The following CACNB4 variants were observed in gnomAD, a reference collection of about 807,000 sequenced individuals.
The protein encoded by CACNB4 is calcium voltage-gated channel auxiliary subunit beta 4, also known as voltage-dependent L-type calcium channel subunit beta-4.
CACNB4 carries 32 observed loss-of-function variants against 71.2 expected under a neutral mutation model. The ratio of observed to expected loss-of-function variants is 0.45; its 90% CI spans 0.34 to 0.60. The LOEUF is 0.60. Among genes scored for constraint, CACNB4 ranks in the 20% least tolerant of loss-of-function variants. CACNB4 has a pLI of 0.01. For missense variants in CACNB4, 464 were observed against 647.9 expected (o/e 0.72, Z 3.08); for synonymous variants, 231 against 236.9 (o/e 0.97, Z 0.23).
intron 2 of CACNB4, among the ~76,000 whole-genome samples, chr2:152,041,420 T>C (rs1356159370): frequency 3.3e-5 from 5 of 152,212 alleles, no homozygotes; most frequent in Non-Finnish European, 5.9e-5. Context: ...GGGCTATAAA[T>C]TTCTGTTTAA....
intron 2 of CACNB4, among the ~76,000 whole-genome samples, chr2:151,949,803 C>G (rs764534291): frequency 1.3e-5 from 2 of 152,170 alleles, no homozygotes; most frequent in Non-Finnish European, 2.9e-5. Context: ...AATACTGGCA[C>G]TTTGGGAGGC....
At chr2:151,936,433 A>G (rs1267312457) in intron 2 of CACNB4, 1 of 152,242 alleles carries the variant, frequency 6.6e-6, no homozygotes, top group Non-Finnish European at 1.5e-5. Flanking sequence ...GAAGCATGAA[A>G]TGGTAGTCAG....
intron 2 of CACNB4, among the ~76,000 whole-genome samples, chr2:152,031,394 G>A (rs553419291): frequency 1.5e-4 from 23 of 152,224 alleles, no homozygotes; most frequent in Non-Finnish European, 2.9e-4. Context: ...AGGCTGGTAG[G>A]AGGACCTTCC....
intron 3 of CACNB4, among the ~76,000 whole-genome samples, chr2:151,882,182 T>TC (rs2099848073): frequency 6.9e-5 from 1 of 14,480 alleles, no homozygotes; most frequent in African/African-American, 1.1e-4. Context: ...CCGGCCCCTC[T>TC]TTTTTTTTTT....
At chr2:151,952,148 T>A (rs1352341899) in intron 2 of CACNB4, among the ~76,000 whole-genome samples, 5 of 152,172 alleles carry the variant, frequency 3.3e-5, no homozygotes, top group Non-Finnish European at 7.3e-5. Context: ...ATTTAATAAC[T>A]ACTGTGATAC....
intron 2 of CACNB4, among the ~76,000 whole-genome samples, chr2:151,995,508 C>A (rs148910386): frequency 6.6e-6 from 1 of 152,278 alleles, no homozygotes; most frequent in African/African-American, 2.4e-5. Context: ...AAAGTCTGTA[C>A]CATCCTGGCT....
intron 2 of CACNB4, among the ~76,000 whole-genome samples, chr2:152,022,310 G>A (rs752008432): frequency 3.3e-5 from 5 of 152,250 alleles, no homozygotes; most frequent in Non-Finnish European, 2.9e-5. Flanking sequence ...TACTCAGCCC[G>A]TAGCCATCAA....
intron 2 of CACNB4, among the ~76,000 whole-genome samples, chr2:152,090,627 C>T (rs1415812524): frequency 1.4e-5 from 2 of 141,422 alleles, no homozygotes; most frequent in Admixed American, 7.1e-5. Flanking sequence ...TGGGCAACAA[C>T]AGCAAAACTC....
chr2:151,887,367 T>C (rs2099849619), intron 2 of CACNB4, among the ~76,000 whole-genome samples: 1 of 151,272 alleles, frequency 6.6e-6, no homozygotes, highest in African/African-American at 2.4e-5. Flanking sequence ...GATAAAGTCA[T>C]ATTGCAGTAA....
At chr2:151,949,921 G>A (rs559703372) in intron 2 of CACNB4, among the ~76,000 whole-genome samples, 52 of 152,056 alleles carry the variant, frequency 3.4e-4, no homozygotes, top group African/African-American at 1.2e-3. Context: ...GGTGGCACGC[G>A]CCTGTAGCCC....
At chr2:152,035,513 T>C (rs2105213105) in intron 2 of CACNB4, among the ~76,000 whole-genome samples, 1 of 151,942 alleles carries the variant, frequency 6.6e-6, no homozygotes, top group Non-Finnish European at 1.5e-5. Context: ...TGAGCTGAGA[T>C]CGTGCCATTG....
intron 2 of CACNB4, among the ~76,000 whole-genome samples, chr2:152,023,406 T>C (rs981848884): frequency 1.4e-5 from 2 of 147,098 alleles, no homozygotes; most frequent in Non-Finnish European, 1.5e-5. Context: ...GAATGCGCTC[T>C]GGATAAAGGC....
intron 2 of CACNB4, among the ~76,000 whole-genome samples, chr2:151,921,109 C>A (rs2099858882): frequency 6.6e-6 from 1 of 150,824 alleles, no homozygotes; most frequent in South Asian, 2.1e-4. Flanking sequence ...TGCACTCCAG[C>A]CTGAGCAACA....
At chr2:151,989,386 C>T (rs1220158592) in intron 2 of CACNB4, among the ~76,000 whole-genome samples, 1 of 152,202 alleles carries the variant, frequency 6.6e-6, no homozygotes, top group African/African-American at 2.4e-5. Context: ...ATCTCTGACT[C>T]AAACTGTATT....
At chr2:151,960,457 A>G (rs2099869381) in intron 2 of CACNB4, among the ~76,000 whole-genome samples, 1 of 152,190 alleles carries the variant, frequency 6.6e-6, no homozygotes, top group Non-Finnish European at 1.5e-5. Context: ...AGTTCGCCTT[A>G]TCTTAAGAAT....
chr2:151,921,348 G>A (rs1329902935), intron 2 of CACNB4, among the ~76,000 whole-genome samples: 3 of 151,688 alleles, frequency 2.0e-5, no homozygotes, highest in East Asian at 3.9e-4. Flanking sequence ...CAACATGAAC[G>A]ACAGCAGATG....
At chr2:152,072,312 TG>T (rs1323952835) in intron 2 of CACNB4, among the ~76,000 whole-genome samples, 1 of 152,240 alleles carries the variant, frequency 6.6e-6, no homozygotes, top group Admixed American at 6.5e-5. Flanking sequence ...TCTGGGGGAA[TG>T]TCCATCACGG....
intron 2 of CACNB4, among the ~76,000 whole-genome samples, chr2:152,093,269 C>G (rs926148612): frequency 2.0e-5 from 3 of 152,078 alleles, no homozygotes; most frequent in Admixed American, 2.0e-4. Context: ...TCTTAACTTA[C>G]AAAATTTATC....
rs763364867 is a variant in CACNB4, at chr2:152,003,444, T to TAA, written c.147+94884_147+94885dup. 3.2e-3 allele frequency among the ~76,000 whole-genome samples: 442 copies of TAA among 139,298 alleles called. 3 individuals are homozygous for TAA. The highest frequency in any genetic ancestry group is 0.011 in the African/African-American group (424 of 37,798). The allele number at this position is 139,298 out of a possible 152,430, so 91.4% of individuals were successfully genotyped here. On this transcript the variant is annotated intron_variant, in intron 2 of 13. Transcript: ENST00000539935. ...CTGGGCGACAGACCAAGATTCCATCTAAAAAAAAAAAAAAAATCTCTACAG... is the reference window on the plus strand; with the variant it reads ...CTGGGCGACAGACCAAGATTCCATCTAAAAAAAAAAAAAAAAAATCTCTACAG...
Sources: gnomAD v4.1 joint callset for allele counts (sites outside exome capture counted in the v4.1 genomes callset) on GRCh38, gnomAD v4.1.1 for gene constraint, MANE v1.5 for transcripts, NCBI Gene and HGNC (gene_info 2026-07-23, HGNC 2026-07-21) for gene names.